MEP1A: variants seen among roughly 807,000 people sequenced by gnomAD.
MEP1A encodes N-benzoyl-L-tyrosyl-P-amino-benzoic acid hydrolase subunit alpha.
MEP1A carries 68 observed loss-of-function variants against 84.5 expected under a neutral mutation model. The ratio of observed to expected loss-of-function variants is 0.80; its 90% confidence interval spans 0.66 to 0.98. The LOEUF (loss-of-function observed/expected upper bound fraction) is 0.98. Ranked by LOEUF, MEP1A falls within the 50% of genes least tolerant of loss-of-function variation. The pLI is 0.00. For synonymous variants in MEP1A, 337 were observed against 336.8 expected (o/e 1.00, Z -0.01); for missense variants, 887 against 919.9 (o/e 0.96, Z 0.46).
At chr6:46,824,533 T>G (rs1673729215) in intron 7 of MEP1A, among the ~76,000 whole-genome samples, 1 of 141,682 alleles carries the variant, frequency 7.1e-6, no homozygotes, top group African/African-American at 2.6e-5. Context: ...ATATAAATTA[T>G]CATCTATTTA....
Position 46,804,044 on chromosome 6 carries a change from T to A in MEP1A, c.262+4863T>A, listed in dbSNP as rs146671405. On this transcript the variant is annotated intron_variant, in intron 5 of 13. Coordinates refer to ENST00000230588, the MANE Select transcript of MEP1A (RefSeq NM_005588.3). ...TTAGAATTTTTTATTTAAACAGTTATCTTTTAAAGTAATTGATGAAAAACA... is the reference window on the plus strand; with the variant it reads ...TTAGAATTTTTTATTTAAACAGTTAACTTTTAAAGTAATTGATGAAAAACA... 2.9e-3 allele frequency among the ~76,000 whole-genome samples: 447 copies of A among 151,808 alleles called. 7 individuals are homozygous for A. The highest frequency in any genetic ancestry group is 0.01 in the African/African-American group (425 of 41,532).
In MEP1A at chr6:46,834,623, C is replaced by G; in HGVS notation, c.1655C>G (p.Thr552Ser). 6.2e-7 allele frequency: 1 copy of G among 1,611,210 alleles called. No individual in the cohort carries two copies. Among genetic ancestry groups the G allele is most frequent in the Non-Finnish European group, 8.5e-7 (1 of 1,179,368 alleles). Reference protein sequence around the residue: ...VIWDRPSRVGTYHTDCNCFRS... With the variant: ...VIWDRPSRVGSYHTDCNCFRS... ...TGGGACAGGCCGTCCAGGGTGGGAA[C>G]CTATCATACGGACTGTAATTGTTTT... is the stretch of plus-strand genomic sequence containing the variant. The change falls in exon 12 of 14, where the codon ACC becomes AGC. Residue 552 changes from threonine (T) to serine (S), a missense_variant. Coordinates refer to ENST00000230588, the MANE Select transcript of MEP1A (RefSeq NM_005588.3).
chr6:46,837,579 A>AG (rs1162525743), intron 13 of MEP1A, among the ~76,000 whole-genome samples: 1 of 152,220 alleles, frequency 6.6e-6, no homozygotes, highest in African/African-American at 2.4e-5. Flanking sequence ...CTTAGATGCC[A>AG]GATTCCATTA....
At chr6:46,830,080 T>C (rs2150754978) in intron 10 of MEP1A, among the ~76,000 whole-genome samples, 1 of 151,746 alleles carries the variant, frequency 6.6e-6, no homozygotes, top group Non-Finnish European at 1.5e-5. Context: ...AAACCCCGTC[T>C]CTACTAAAAA....
At chr6:46,801,818 A>G (rs917419427) in intron 5 of MEP1A, among the ~76,000 whole-genome samples, 26 of 152,044 alleles carry the variant, frequency 1.7e-4, no homozygotes, top group Non-Finnish European at 2.9e-5. Flanking sequence ...GTTGGTATTT[A>G]TTAGCCCAGT....
At chr6:46,833,769 C>T (rs1025140603) in intron 11 of MEP1A, among the ~76,000 whole-genome samples, 5 of 152,068 alleles carry the variant, frequency 3.3e-5, no homozygotes, top group African/African-American at 4.8e-5. Context: ...GTGCCAAAGT[C>T]GGTGCTAGGT....
At chr6:46,807,499 C>A (rs1297787300) in intron 5 of MEP1A, among the ~76,000 whole-genome samples, 2 of 120,682 alleles carry the variant, frequency 1.7e-5, no homozygotes, top group African/African-American at 3.1e-5. Flanking sequence ...CAAAGTGAGA[C>A]CCCCATCTGA....
At chr6:46,830,247 T>TAAAAAAAAAAAAAA (rs56033423) in intron 10 of MEP1A, among the ~76,000 whole-genome samples, 7 of 50,106 alleles carry the variant, frequency 1.4e-4, no homozygotes, top group African/African-American at 5.8e-4. Flanking sequence ...AGACTCCATC[T>TAAAAAAAAAAAAAA]AAAAAAAAAA....
intron 6 of MEP1A, among the ~76,000 whole-genome samples, chr6:46,813,572 A>T (rs1358730572): frequency 6.6e-6 from 1 of 152,126 alleles, no homozygotes; most frequent in South Asian, 2.1e-4. Flanking sequence ...GGTGTGAGGT[A>T]CTATTCTATA....
At chr6:46,820,988 C>A (rs898956884) in intron 7 of MEP1A, among the ~76,000 whole-genome samples, 7 of 152,088 alleles carry the variant, frequency 4.6e-5, no homozygotes, top group Non-Finnish European at 1.0e-4. Context: ...ATTTTATATG[C>A]GGATTCATAT....
chr6:46,841,949 T>A (rs1768338522), downstream of MEP1A, among the ~76,000 whole-genome samples: 1 of 152,204 alleles, frequency 6.6e-6, no homozygotes, highest in African/African-American at 2.4e-5. Flanking sequence ...GAACATAAAT[T>A]GTGAATATTT....
intron 6 of MEP1A, among the ~76,000 whole-genome samples, chr6:46,816,747 G>A (rs1205110652): frequency 2.0e-5 from 3 of 152,134 alleles, no homozygotes; most frequent in African/African-American, 7.2e-5. Context: ...GGGCACAGTG[G>A]GAATAAGCCC....
intron 6 of MEP1A, among the ~76,000 whole-genome samples, chr6:46,817,806 TG>T (rs1214201445): frequency 6.6e-6 from 1 of 152,236 alleles, no homozygotes; most frequent in African/African-American, 2.4e-5. Flanking sequence ...GCACTGAATC[TG>T]GGAAACCTAA....
chr6:46,799,280 A>T, intron 5 of MEP1A, 99 bp downstream of exon 5: 2 of 788,596 alleles, frequency 2.5e-6, no homozygotes, highest in South Asian at 3.1e-5. Context: ...ACCACGATCT[A>T]AGAGAGTTTT....
rs147359013 is a variant in MEP1A at position 46,818,205 on chromosome 6, T to A, written c.381-1324T>A. Among the ~76,000 whole-genome samples, 396 of 152,314 alleles carry A rather than the reference T, an allele frequency of 2.6e-3. 1 individual carries two copies. Among genetic ancestry groups the A allele is most frequent in the African/African-American group, 9.1e-3 (377 of 41,570 alleles). On this transcript the variant is annotated intron_variant, in intron 6 of 13. Transcript: ENST00000230588. ...ATTTACTAAAAGTCATTGAATTGTATACTTAAAATTAAAGAATTTTATAGT... is the reference window on the plus strand; with the variant it reads ...ATTTACTAAAAGTCATTGAATTGTAAACTTAAAATTAAAGAATTTTATAGT...
At chr6:46,840,126 G>A (rs954581729), downstream of MEP1A, among the ~76,000 whole-genome samples, 2 of 152,066 alleles carry the variant, frequency 1.3e-5, no homozygotes, top group African/African-American at 4.8e-5. Context: ...AGGATTCTGA[G>A]TGGTCCTTTA....
intron 5 of MEP1A, among the ~76,000 whole-genome samples, chr6:46,803,299 TA>T (rs1217969872): frequency 1.3e-5 from 2 of 151,648 alleles, no homozygotes; most frequent in South Asian, 2.1e-4. Context: ...TTTTCAGTAA[TA>T]AAAAATTAAG....
At chr6:46,818,185 C>T (rs1767685033) in intron 6 of MEP1A, among the ~76,000 whole-genome samples, 1 of 152,064 alleles carries the variant, frequency 6.6e-6, no homozygotes, top group Admixed American at 6.6e-5. Flanking sequence ...TGTAAATTTA[C>T]TAAAAGTCAT....
At chr6:46,823,278 G>A (rs1037308066) in intron 7 of MEP1A, among the ~76,000 whole-genome samples, 1 of 152,198 alleles carries the variant, frequency 6.6e-6, no homozygotes, top group African/African-American at 2.4e-5. Flanking sequence ...ATATAGCTCT[G>A]TATGAGGCAG....
Sources: gnomAD v4.1 joint callset for allele counts (sites outside exome capture counted in the v4.1 genomes callset) on GRCh38, gnomAD v4.1.1 for gene constraint, MANE v1.5 for transcripts, NCBI Gene and HGNC (gene_info 2026-07-23, HGNC 2026-07-21) for gene names.